Variants in NFIC observed in about 807,000 individuals in gnomAD.
NFIC encodes nuclear factor I C, also known as nuclear factor 1 C-type.
A neutral mutation model predicts 54.4 loss-of-function variants in NFIC; 12 were observed. The observed-to-expected ratio is 0.22, with a 90% CI of 0.14 to 0.36. The LOEUF (loss-of-function observed/expected upper bound fraction) is 0.36, where lower values mean the gene tolerates loss of function less well. NFIC is among the 10% of genes least tolerant of loss of function. The pLI, the probability that NFIC is intolerant of heterozygous loss-of-function variation, is 1.00. For synonymous variants in NFIC, 322 were observed against 319.2 expected (o/e 1.01, Z -0.09); for missense variants, 575 against 718.2 (o/e 0.80, Z 2.28).
At chr19:3,437,336 C>G (rs1454601068) in intron 6 of NFIC, among the ~76,000 whole-genome samples, 6 of 151,782 alleles carry the variant, frequency 4.0e-5, no homozygotes, top group Non-Finnish European at 7.4e-5. Context: ...CCACTGCACT[C>G]CAGCCTGGGT....
At chr19:3,366,390 G>A (rs996821647), upstream of NFIC, among the ~76,000 whole-genome samples, 1 of 151,084 alleles carries the variant, frequency 6.6e-6, no homozygotes, top group Admixed American at 6.6e-5. Flanking sequence ...GAGACAGAGA[G>A]ACAGAGACGG....
At chr19:3,360,283 G>T (rs895430431) in intron 1 of NFIC, among the ~76,000 whole-genome samples, 1 of 146,012 alleles carries the variant, frequency 6.8e-6, no homozygotes, top group Non-Finnish European at 1.5e-5. Flanking sequence ...TCGGCGCCGC[G>T]CAGGAGCAGC....
At chr19:3,397,054 G>T (rs147818195) in intron 2 of NFIC, among the ~76,000 whole-genome samples, 2 of 152,130 alleles carry the variant, frequency 1.3e-5, no homozygotes, top group African/African-American at 2.4e-5. Flanking sequence ...GGTGCATTGT[G>T]GGGGGATTGC....
intron 6 of NFIC, among the ~76,000 whole-genome samples, chr19:3,445,296 C>G (rs1484105123): frequency 6.6e-6 from 1 of 152,234 alleles, no homozygotes; most frequent in Non-Finnish European, 1.5e-5. Flanking sequence ...TCATTCCTGC[C>G]ACATCCTCCT....
rs940458952 is a variant in NFIC, at chr19:3,369,822, C to T, written c.30+3156C>T. ...GGGGCCAAGTCCCTCTTGGCCGCAG[C>T]GTGGCGGATTCCCCGAGCCACCTCC... is the stretch of plus-strand genomic sequence containing the variant. On this transcript the variant is annotated intron_variant, in intron 1 of 10. Coordinates refer to ENST00000443272, the MANE Select transcript of NFIC (RefSeq NM_001245002.2). This position sits in a 1 kb window ranked among gnomAD's most constrained non-coding sequence, Gnocchi z 4.3. 3.3e-5 allele frequency among the ~76,000 whole-genome samples: 5 copies of T among 152,188 alleles called. No individual in the cohort carries two copies. Among genetic ancestry groups the T allele is most frequent in the South Asian group, 4.1e-4 (2 of 4,838 alleles).
At chr19:3,382,436 T>C (rs532858256) in intron 2 of NFIC, among the ~76,000 whole-genome samples, 193 bp downstream of exon 2, 184 of 149,748 alleles carry the variant, frequency 1.2e-3, no homozygotes, top group African/African-American at 4.4e-3. Context: ...AGGAGGCTGG[T>C]GGGTATAGAT....
intron 1 of NFIC, among the ~76,000 whole-genome samples, chr19:3,372,823 A>G (rs1414118566): frequency 6.6e-6 from 1 of 151,486 alleles, no homozygotes; most frequent in Admixed American, 6.6e-5. Context: ...AGTGGGTGCA[A>G]TGATAGTCCC....
At position 3,464,756 on chromosome 19, in the gene NFIC, C is replaced by T; in HGVS notation, c.*1987C>T. ...ACCCAGGACCCTCCCCCATCACCCC[C>T]AAGAGAGGTTCGCCATCCTCTGGCC... On this transcript the variant is annotated 3_prime_UTR_variant, in exon 11 of 11. Transcript: ENST00000443272. The T allele has an allele frequency of 4.1e-6, 4 of 979,842 alleles. No homozygotes were observed. Among genetic ancestry groups the T allele is most frequent in the Non-Finnish European group, 4.8e-6 (4 of 824,966 alleles). 60.7% of individuals were successfully genotyped at this position (979,842 alleles called of 1,614,324 possible).
At chr19:3,398,141 G>A (rs1233906673) in intron 2 of NFIC, among the ~76,000 whole-genome samples, 1 of 152,164 alleles carries the variant, frequency 6.6e-6, no homozygotes, top group African/African-American at 2.4e-5. Context: ...CATCCGCCGT[G>A]CAGACTTGGC....
At chr19:3,376,938 C>T (rs907296480) in intron 1 of NFIC, among the ~76,000 whole-genome samples, 1 of 151,790 alleles carries the variant, frequency 6.6e-6, no homozygotes, top group African/African-American at 2.4e-5. Flanking sequence ...CCATGTTGGC[C>T]AGGCTGATCT....
Position 3,468,203 on chromosome 19 carries a change from T to G in NFIC, c.*5434T>G, listed in dbSNP as rs2122000679. The G allele has an allele frequency of 1.4e-5, 1 of 73,548 alleles. No homozygotes were observed. Among genetic ancestry groups the G allele is most frequent in the African/African-American group, 5.2e-5 (1 of 19,316 alleles). The allele number at this position is 73,548 out of a possible 1,614,324, so 4.6% of individuals were successfully genotyped here. A position where few individuals can be genotyped will look rare whatever the true frequency, so the allele number is the denominator to read the frequency against. The stretch of plus-strand genomic sequence containing the variant: ...TTCTCCTGCCCCACCCCCCCGTCCA[T>G]GGCAGCCCCCTCCCCAAGGCTTTGC... On this transcript the variant is annotated 3_prime_UTR_variant, in exon 11 of 11. Coordinates refer to ENST00000443272, the MANE Select transcript of NFIC (RefSeq NM_001245002.2).
chr19:3,404,520 A>AG (rs2081612282), intron 2 of NFIC, among the ~76,000 whole-genome samples: 1 of 151,762 alleles, frequency 6.6e-6, no homozygotes, highest in Non-Finnish European at 1.5e-5. Flanking sequence ...GAGGCTGCAG[A>AG]GGGGCTGGGG....
At chr19:3,394,540 A>G (rs2081432193) in intron 2 of NFIC, among the ~76,000 whole-genome samples, 1 of 47,198 alleles carries the variant, frequency 2.1e-5, no homozygotes, top group African/African-American at 8.8e-5. Context: ...ACCCGCTTAC[A>G]CTAAGTCTGA....
rs1410947689 is a variant in NFIC, at chr19:3,464,170, C to T, written c.*1401C>T. 2 of 984,102 alleles carry T rather than the reference C, an allele frequency of 2.0e-6. No homozygotes were observed. Among genetic ancestry groups the T allele is most frequent in the African/African-American group, 1.8e-5 (1 of 56,100 alleles). The allele number at this position is 984,102 out of a possible 1,614,324, so 61.0% of individuals were successfully genotyped here. ...GGGGGACCGCCGTTTGCACTTTCAT[C>T]GCCTACCCCGACGCGGGGCCCAGCT... On this transcript the variant is annotated 3_prime_UTR_variant, in exon 11 of 11. Coordinates refer to ENST00000443272, the MANE Select transcript of NFIC (RefSeq NM_001245002.2).
chr19:3,384,056 T>G (rs569493857), intron 2 of NFIC, among the ~76,000 whole-genome samples: 55 of 150,540 alleles, frequency 3.7e-4, no homozygotes, highest in South Asian at 4.2e-4. Flanking sequence ...AGTGTTTTTT[T>G]TTTTTTTTTT....
chr19:3,456,975 A>T (rs1599728412), intron 10 of NFIC: 1 of 377,994 alleles, frequency 2.6e-6, no homozygotes, highest in South Asian at 2.2e-5. Flanking sequence ...CCAGAGAGAC[A>T]AGGGGGTCTG....
At position 3,369,789 on chromosome 19, in the gene NFIC, C is replaced by A. The variant is rs1482436867; in HGVS notation, c.30+3123C>A. ...TGGCGCCACCGCCACGTTAGTTATT[C>A]CGGGTTTGGGGCCAAGTCCCTCTTG... is the stretch of plus-strand genomic sequence containing the variant. On this transcript the variant is annotated intron_variant, in intron 1 of 10. Coordinates refer to ENST00000443272, the MANE Select transcript of NFIC (RefSeq NM_001245002.2). This position sits in a 1 kb window ranked among gnomAD's most constrained non-coding sequence, Gnocchi z 4.3. 6.6e-6 allele frequency among the ~76,000 whole-genome samples: 1 copy of A among 152,160 alleles called. No homozygotes were observed. Among genetic ancestry groups the A allele is most frequent in the African/African-American group, 2.4e-5 (1 of 41,448 alleles).
chr19:3,410,336 G>C (rs1378566236), intron 2 of NFIC, among the ~76,000 whole-genome samples: 4 of 152,224 alleles, frequency 2.6e-5, no homozygotes, highest in Non-Finnish European at 4.4e-5. Flanking sequence ...TGCTGAAAGA[G>C]GCATTTGTGT....
chr19:3,441,278 C>T (rs1367283572), intron 6 of NFIC, among the ~76,000 whole-genome samples: 7 of 152,368 alleles, frequency 4.6e-5, no homozygotes, highest in African/African-American at 1.7e-4. Context: ...CACGGAACCA[C>T]GTGGCCGTTC....
Sources: gnomAD v4.1 joint callset for allele counts (sites outside exome capture counted in the v4.1 genomes callset) on GRCh38, gnomAD v4.1.1 for gene constraint, Gnocchi (gnomAD v3.1) non-coding constraint, MANE v1.5 for transcripts, NCBI Gene and HGNC (gene_info 2026-07-23, HGNC 2026-07-21) for gene names.